The following ZBTB21 variants were observed in gnomAD, a reference collection of about 807,000 sequenced individuals.
ZBTB21 encodes zinc finger and BTB domain containing 21, also known as zinc finger and BTB domain-containing protein 21.
In ZBTB21, 10 loss-of-function variants were observed where a neutral mutation model predicts 39.8. That is an observed-to-expected ratio of 0.25 (90% confidence interval 0.16 to 0.43). The LOEUF is 0.43. Ranked by LOEUF, ZBTB21 falls within the 20% of genes least tolerant of loss-of-function variation. The pLI is 1.00. For missense variants in ZBTB21, 1,221 were observed against 1,296.3 expected (o/e 0.94, Z 0.89); for synonymous variants, 551 against 498.8 (o/e 1.10, Z -1.40).
chr21:42,008,712 A>AG (rs1460124343), intron 1 of ZBTB21, among the ~76,000 whole-genome samples: 1 of 152,132 alleles, frequency 6.6e-6, no homozygotes, highest in Non-Finnish European at 1.5e-5. Flanking sequence ...CCTCGAGGGC[A>AG]GGGGTTATAT....
chr21:42,000,819 A>G (rs1401056001), intron 2 of ZBTB21, among the ~76,000 whole-genome samples: 1 of 152,168 alleles, frequency 6.6e-6, no homozygotes, highest in Non-Finnish European at 1.5e-5. Context: ...GGGATTTAAA[A>G]CTTAACTTTC....
Position 41,990,921 on chromosome 21 carries a change from A to G in ZBTB21, c.3175T>C (p.Trp1059Arg), listed in dbSNP as rs201673550. The G allele has an allele frequency of 4.0e-6, 6 of 1,493,422 alleles. No individual in the cohort carries two copies. The highest frequency in any genetic ancestry group is 5.3e-6 in the Non-Finnish European group (6 of 1,123,664). The allele number at this position is 1,493,422 out of a possible 1,614,324, so 92.5% of individuals were successfully genotyped here. A position where few individuals can be genotyped will look rare whatever the true frequency, so the allele number is the denominator to read the frequency against. ...CAATTGTGTGTTTGTTCGTGACTCC[A>G]AAGACTAAATGCAGTCTTGAATGTC... is the stretch of plus-strand genomic sequence containing the variant. ...HRTFKTAFSL[W>R]SHEQTHN The change falls in exon 3 of 3, where the codon TGG becomes CGG. Residue 1059 changes from tryptophan to arginine, a missense_variant. Coordinates refer to ENST00000310826, the MANE Select transcript of ZBTB21 (RefSeq NM_001098402.2).
rs751347821 is a variant in ZBTB21 at position 41,992,438 on chromosome 21, T to A, written c.1658A>T (p.Lys553Met). 15 of 1,614,030 alleles carry A rather than the reference T, an allele frequency of 9.3e-6. No homozygotes were observed. The Admixed American group carries it at 2.5e-4, about 27-fold the overall frequency. Residue 553 changes from lysine to methionine, a missense_variant, in exon 3 of 3, where the codon AAG (lysine) becomes ATG (methionine). This residue lies in a region of ZBTB21 where 90 missense variants were observed against 133.1 expected (regional missense o/e 0.68). Transcript: ENST00000310826. The surrounding 1 kb of genome is among the most constrained non-coding windows in gnomAD (Gnocchi z 4.1). ...NKKFKCKHCL[K>M]IFRSTAGLHR... is the part of the protein sequence containing the mutation. ...AAGACCTGCTGTTGATCTAAAGATC[T>A]TAAGGCAATGTTTGCATTTAAATTT...
chr21:41,996,644 A>G (rs1303828131), intron 2 of ZBTB21, among the ~76,000 whole-genome samples: 1 of 152,086 alleles, frequency 6.6e-6, no homozygotes, highest in East Asian at 1.9e-4. Context: ...ACTTTGGGGG[A>G]CTGTTGGGAA....
In ZBTB21 at chr21:41,989,601, T is replaced by C. The variant is rs1226329001; in HGVS notation, c.*1294A>G. 1 of 152,156 alleles carries C rather than the reference T, an allele frequency of 6.6e-6. No individual in the cohort carries two copies. Among genetic ancestry groups the C allele is most frequent in the African/African-American group, 2.4e-5 (1 of 41,426 alleles). The allele number at this position is 152,156 out of a possible 1,614,324, so 9.4% of individuals were successfully genotyped here. A position where few individuals can be genotyped will look rare whatever the true frequency, so the allele number is the denominator to read the frequency against. On this transcript the variant is annotated 3_prime_UTR_variant, in exon 3 of 3. Coordinates refer to ENST00000310826, the MANE Select transcript of ZBTB21 (RefSeq NM_001098402.2). Reference sequence around the variant, plus strand: ...GCTTTCAATTACAAATTATACATAGTATTCTTTGAAAAGCCCAAAACCCAT... The same window carrying C: ...GCTTTCAATTACAAATTATACATAGCATTCTTTGAAAAGCCCAAAACCCAT...
intron 1 of ZBTB21, chr21:42,009,197 G>A (rs867386733): frequency 6.6e-6 from 1 of 152,122 alleles, no homozygotes; most frequent in Non-Finnish European, 1.5e-5. Context: ...CAATCCCACC[G>A]GGGCACCTGT....
intron 2 of ZBTB21, among the ~76,000 whole-genome samples, chr21:41,996,035 G>A (rs532937962): frequency 3.1e-4 from 47 of 152,390 alleles, no homozygotes; most frequent in African/African-American, 1.1e-3. Context: ...GAAGTCTGCT[G>A]CAGGGCTGTG....
At chr21:42,008,305 A>G (rs779008652) in intron 1 of ZBTB21, among the ~76,000 whole-genome samples, 3 of 133,376 alleles carry the variant, frequency 2.2e-5, no homozygotes, top group Non-Finnish European at 4.6e-5. Context: ...GGAGATCTCA[A>G]GGCCATCCTG....
chr21:42,009,919 C>A (rs1165125620), intron 1 of ZBTB21, among the ~76,000 whole-genome samples: 1 of 152,188 alleles, frequency 6.6e-6, no homozygotes, highest in South Asian at 2.1e-4. Context: ...CCAGGCGTGT[C>A]CCCTACCCCA....
rs1026612034 is a variant in ZBTB21 at position 41,992,931 on chromosome 21, A to T, written c.1165T>A (p.Cys389Ser). The change falls in exon 3 of 3, where the codon TGT (cysteine) becomes AGT (serine). Residue 389 changes from cysteine to serine, a missense_variant. Physicochemically the swap from Cys to Ser is moderately radical, Grantham distance 112. Around this residue, in one of 4 missense-constraint regions of ZBTB21, gnomAD observed 500 missense variants for 465.6 expected, o/e 1.07. Coordinates refer to ENST00000310826, the MANE Select transcript of ZBTB21 (RefSeq NM_001098402.2). The surrounding 1 kb of genome is among the most constrained non-coding windows in gnomAD (Gnocchi z 4.1). ...TCATCTAGGGCTGTTTTTTCACTAC[A>T]ATCTTTTAAAGATGACTTCTGAGAT... The part of the protein sequence containing the change: ...ALSQKSSLKD[C>S]SEKTALDDRP... 1 of 1,614,034 alleles carries T rather than the reference A, an allele frequency of 6.2e-7. No homozygotes were observed. The highest frequency in any genetic ancestry group is 1.3e-5 in the African/African-American group (1 of 74,904).
chr21:41,993,646 A>G lies in ZBTB21; in HGVS notation c.450T>C (p.Ile150=). The G allele has an allele frequency of 6.2e-7, 1 of 1,614,230 alleles. No homozygotes were observed. Residue 150 remains isoleucine (I), a synonymous_variant, in exon 3 of 3, where the codon ATT becomes ATC. Coordinates refer to ENST00000310826, the MANE Select transcript of ZBTB21 (RefSeq NM_001098402.2). ...GCGCTTCGTTTCTACTTTGACAAACAATGACACTTCTCTTTTGAGAACTGT... is the reference window on the plus strand; with the variant it reads ...GCGCTTCGTTTCTACTTTGACAAACGATGACACTTCTCTTTTGAGAACTGT... The part of the protein sequence containing the change: ...DENSSQKRSV[I]VCQSRNEAQG...
chr21:41,999,067 T>G (rs2051427196), intron 2 of ZBTB21, among the ~76,000 whole-genome samples: 1 of 152,190 alleles, frequency 6.6e-6, no homozygotes, highest in Non-Finnish European at 1.5e-5. Context: ...CTTACCATCT[T>G]TTACAGAGAT....
At chr21:42,003,282 T>C (rs189849682) in intron 1 of ZBTB21, among the ~76,000 whole-genome samples, 12 of 152,310 alleles carry the variant, frequency 7.9e-5, no homozygotes, top group Admixed American at 7.8e-4. Context: ...GATGCTTGCG[T>C]GGGCCTGCTA....
chr21:41,995,926 T>C (rs1384974819), intron 2 of ZBTB21, among the ~76,000 whole-genome samples: 1 of 152,208 alleles, frequency 6.6e-6, no homozygotes, highest in Non-Finnish European at 1.5e-5. Flanking sequence ...GGCTTCCATG[T>C]GGTGTTAAGC....
chr21:42,003,739 C>A (rs1465439630), intron 1 of ZBTB21, among the ~76,000 whole-genome samples: 2 of 152,140 alleles, frequency 1.3e-5, no homozygotes, highest in East Asian at 3.9e-4. Flanking sequence ...CACTTCTGGT[C>A]CCAAGCATTT....
Position 41,992,147 on chromosome 21 carries a change from C to A in ZBTB21, c.1949G>T (p.Ser650Ile). 1 of 1,614,198 alleles carries A rather than the reference C, an allele frequency of 6.2e-7. No homozygotes were observed. The highest frequency in any genetic ancestry group is 8.5e-7 in the Non-Finnish European group (1 of 1,180,040). Residue 650 changes from serine (S) to isoleucine (I), a missense_variant, in exon 3 of 3, where the codon AGT becomes ATT. By Grantham distance (142) the Ser-to-Ile change is moderately radical. Transcript: ENST00000310826. The surrounding 1 kb of genome is among the most constrained non-coding windows in gnomAD (Gnocchi z 4.1). ...RRGKPGFQGQ[S>I]SSQAQQVIKR... The stretch of plus-strand genomic sequence containing the variant: ...GATGACTTGCTGTGCTTGGGAGCTA[C>A]TCTGTCCCTGAAAACCAGGCTTGCC...
At position 41,987,857 on chromosome 21, in the gene ZBTB21, T is replaced by C. The variant is rs1233931045; in HGVS notation, c.*3038A>G. The C allele has an allele frequency of 2.0e-5, 3 of 152,166 alleles. No individual in the cohort carries two copies. Among genetic ancestry groups the C allele is most frequent in the Admixed American group, 2.0e-4 (3 of 15,282 alleles). 9.4% of individuals were successfully genotyped at this position (152,166 alleles called of 1,614,324 possible). ...CCGCACCTCCGTGAACAGACACATT[T>C]TATTCCTGTTTCACAGCAGCTACTC... On this transcript the variant is annotated 3_prime_UTR_variant, in exon 3 of 3. Transcript: ENST00000310826.
chr21:42,005,368 A>G (rs950287927), intron 1 of ZBTB21, among the ~76,000 whole-genome samples: 1 of 152,262 alleles, frequency 6.6e-6, no homozygotes, highest in Non-Finnish European at 1.5e-5. Context: ...AATCCTGAGA[A>G]GAATGACAAA....
rs1386687361 is a variant in ZBTB21, at chr21:41,992,979, G to A, written c.1117C>T (p.Pro373Ser). ...QGSSSVSSDA[P>S]GNVLCALSQK... ...GATAAAGCACACAACACATTCCCTGGTGCATCACTGGACACCGAAGATGAT... is the reference window on the plus strand; with the variant it reads ...GATAAAGCACACAACACATTCCCTGATGCATCACTGGACACCGAAGATGAT... The change falls in exon 3 of 3, where the codon CCA becomes TCA. Residue 373 changes from proline to serine, a missense_variant. Transcript: ENST00000310826. The surrounding 1 kb of genome is among the most constrained non-coding windows in gnomAD (Gnocchi z 4.1). The A allele has an allele frequency of 1.2e-6, 2 of 1,614,142 alleles. No homozygotes were observed. Among genetic ancestry groups the A allele is most frequent in the East Asian group, 2.2e-5 (1 of 44,886 alleles).
Sources: gnomAD v4.1 joint callset for allele counts (sites outside exome capture counted in the v4.1 genomes callset) on GRCh38, gnomAD v4.1.1 for gene constraint, gnomAD v4.1.1 regional missense constraint, Gnocchi (gnomAD v3.1) non-coding constraint, MANE v1.5 for transcripts, NCBI Gene and HGNC (gene_info 2026-07-23, HGNC 2026-07-21) for gene names.